MCTP1: variants seen among roughly 807,000 people sequenced by gnomAD.
MCTP1 encodes the protein multiple C2 and transmembrane domain-containing protein 1.
MCTP1 carries 69 observed loss-of-function variants against 120.6 expected under a neutral mutation model. The ratio of observed to expected loss-of-function variants is 0.57; its 90% CI spans 0.47 to 0.70. The LOEUF is 0.70. Ranked by LOEUF, MCTP1 falls within the 30% of genes least tolerant of loss-of-function variation. The pLI, the probability that MCTP1 is intolerant of heterozygous loss-of-function variation, is 0.00. For missense variants in MCTP1, 1,203 were observed against 1,248.8 expected (o/e 0.96, Z 0.55); for synonymous variants, 529 against 493.1 (o/e 1.07, Z -0.96).
intron 6 of MCTP1, among the ~76,000 whole-genome samples, chr5:94,929,179 A>G (rs34619416): frequency 0.043 from 6,549 of 152,312 alleles, 189 homozygotes; most frequent in Middle Eastern, 0.088. Context: ...CTGTAGGTAC[A>G]TTATTTCTGA....
chr5:94,885,603 C>G (rs1296837275), intron 12 of MCTP1, among the ~76,000 whole-genome samples: 1 of 149,472 alleles, frequency 6.7e-6, no homozygotes, highest in East Asian at 2.0e-4. Flanking sequence ...ACCCACCCCA[C>G]CCCACCCCGC....
chr5:94,954,784 T>C (rs1249223887), intron 2 of MCTP1, among the ~76,000 whole-genome samples: 7 of 152,192 alleles, frequency 4.6e-5, no homozygotes, highest in Non-Finnish European at 1.5e-5. Flanking sequence ...CATTTCATCC[T>C]TGGTCCCATA....
intron 5 of MCTP1, among the ~76,000 whole-genome samples, chr5:94,939,791 A>T (rs1387561419): frequency 6.6e-6 from 1 of 152,046 alleles, no homozygotes; most frequent in Non-Finnish European, 1.5e-5. Context: ...GTATTTCCCA[A>T]ATGAATACTA....
At chr5:94,761,504 C>T (rs1353048753) in intron 19 of MCTP1, among the ~76,000 whole-genome samples, 2 of 152,134 alleles carry the variant, frequency 1.3e-5, no homozygotes, top group African/African-American at 2.4e-5. Context: ...CTTGAATCTA[C>T]CTGACAATAT....
At chr5:95,050,138 CT>C (rs1380784764) in intron 1 of MCTP1, among the ~76,000 whole-genome samples, 1 of 151,640 alleles carries the variant, frequency 6.6e-6, no homozygotes, top group Non-Finnish European at 1.5e-5. Flanking sequence ...TTAAATTCTT[CT>C]TTTACAGCTG....
intron 20 of MCTP1, among the ~76,000 whole-genome samples, chr5:94,711,957 G>GC (rs1757197028): frequency 1.3e-5 from 2 of 150,542 alleles, no homozygotes; most frequent in African/African-American, 4.9e-5. Context: ...ACTGTGTAGA[G>GC]CCTCCAGGGT....
At chr5:95,061,227 A>ACACACAGAG (rs1748972319) in intron 1 of MCTP1, among the ~76,000 whole-genome samples, 1 of 151,716 alleles carries the variant, frequency 6.6e-6, no homozygotes, top group Admixed American at 6.6e-5. Flanking sequence ...AACCAAATAA[A>ACACACAGAG]CACACAGAGG....
intron 1 of MCTP1, among the ~76,000 whole-genome samples, chr5:95,157,086 T>A (rs970187275): frequency 6.6e-6 from 1 of 152,314 alleles, no homozygotes; most frequent in East Asian, 1.9e-4. Flanking sequence ...GCCCTAATAC[T>A]TTTTTGAAGT....
At chr5:95,006,269 A>G (rs999079003) in intron 2 of MCTP1, among the ~76,000 whole-genome samples, 4 of 151,902 alleles carry the variant, frequency 2.6e-5, no homozygotes, top group Non-Finnish European at 5.9e-5. Flanking sequence ...ACATACACAT[A>G]AACACATATA....
intron 3 of MCTP1, among the ~76,000 whole-genome samples, chr5:94,951,476 T>C (rs1820562317): frequency 6.6e-6 from 1 of 152,184 alleles, no homozygotes; most frequent in African/African-American, 2.4e-5. Context: ...TAAACTTCTT[T>C]CTTCTCATGA....
chr5:94,803,271 C>T (rs1464443514), intron 17 of MCTP1, among the ~76,000 whole-genome samples: 1 of 152,146 alleles, frequency 6.6e-6, no homozygotes, highest in African/African-American at 2.4e-5. Flanking sequence ...ACACACAACC[C>T]CTTTCATTAG....
At chr5:95,141,221 T>C (rs1189943375) in intron 1 of MCTP1, among the ~76,000 whole-genome samples, 2 of 152,238 alleles carry the variant, frequency 1.3e-5, no homozygotes, top group African/African-American at 2.4e-5. Flanking sequence ...TTGGATTGTA[T>C]AAATTTGGAA....
chr5:95,235,252 C>T (rs138839642), intron 1 of MCTP1, among the ~76,000 whole-genome samples: 1,605 of 151,726 alleles, frequency 0.011, 13 homozygotes, highest in Non-Finnish European at 0.019. Flanking sequence ...AAGCACTTGA[C>T]AAAAAATCAG....
intron 1 of MCTP1, among the ~76,000 whole-genome samples, chr5:95,257,726 G>A (rs1049901269): frequency 1.3e-5 from 2 of 150,702 alleles, no homozygotes; most frequent in African/African-American, 4.9e-5. Context: ...GACTAGAGCA[G>A]GAAATATATA....
At chr5:94,809,985 G>A (rs1331395770) in intron 17 of MCTP1, among the ~76,000 whole-genome samples, 2 of 152,048 alleles carry the variant, frequency 1.3e-5, no homozygotes, top group Non-Finnish European at 2.9e-5. Flanking sequence ...TTGGATCTCA[G>A]TTGTGTTTTA....
chr5:95,253,530 A>C (rs1200344194), intron 1 of MCTP1, among the ~76,000 whole-genome samples: 6 of 152,086 alleles, frequency 3.9e-5, no homozygotes, highest in Non-Finnish European at 8.8e-5. Flanking sequence ...CCTTATATTA[A>C]CCTTCCACAG....
chr5:95,063,665 G>A (rs1364009178), intron 1 of MCTP1, among the ~76,000 whole-genome samples: 3 of 151,982 alleles, frequency 2.0e-5, no homozygotes, highest in Non-Finnish European at 4.4e-5. Context: ...GTGCATTCTC[G>A]GCTCACTGCA....
At chr5:95,068,475 T>C (rs10515221) in intron 1 of MCTP1, among the ~76,000 whole-genome samples, 8,144 of 152,310 alleles carry the variant, frequency 0.053, 235 homozygotes, top group Middle Eastern at 0.078. Flanking sequence ...TCTAGTCTAA[T>C]ACGTCAACTT....
At chr5:95,007,435 T>C (rs922215533) in intron 2 of MCTP1, among the ~76,000 whole-genome samples, 5 of 152,184 alleles carry the variant, frequency 3.3e-5, no homozygotes, top group African/African-American at 9.6e-5. Flanking sequence ...AGAGAATATA[T>C]ATGCAAATGC....
Sources: gnomAD v4.1 joint callset for allele counts (sites outside exome capture counted in the v4.1 genomes callset) on GRCh38, gnomAD v4.1.1 for gene constraint, MANE v1.5 for transcripts, NCBI Gene and HGNC (gene_info 2026-07-23, HGNC 2026-07-21) for gene names.